UNC80: variants seen among roughly 807,000 people sequenced by gnomAD.
UNC80 encodes unc-80 subunit of NALCN channel complex, also known as protein unc-80 homolog.
A neutral mutation model predicts 384.6 loss-of-function variants in UNC80; 164 were observed. The observed-to-expected ratio is 0.43, with a 90% CI of 0.38 to 0.49. UNC80 has a LOEUF of 0.49. UNC80 is among the 20% of genes least tolerant of loss of function. The probability of loss-of-function intolerance (pLI) is 0.00; values close to 1 mark genes in which losing one functional copy is unlikely to be tolerated. For synonymous variants in UNC80, 1,486 were observed against 1,527.8 expected, an observed-to-expected ratio of 0.97 and a Z score of 0.64; for missense variants, 3,330 against 4,143.0, an observed-to-expected ratio of 0.80 and a Z score of 5.39.
intron 61 of UNC80, among the ~76,000 whole-genome samples, chr2:209,989,977 A>G (rs560510937): frequency 6.6e-6 from 1 of 152,320 alleles, no homozygotes; most frequent in South Asian, 2.1e-4. Flanking sequence ...TTCCAAGGAT[A>G]TATTTTGTAA....
At chr2:209,953,346 C>T (rs186937864) in intron 47 of UNC80, among the ~76,000 whole-genome samples, 1 of 136,662 alleles carries the variant, frequency 7.3e-6, no homozygotes, top group Non-Finnish European at 1.5e-5. Flanking sequence ...TGAACCCAGG[C>T]AGAGGTTGTA....
intron 51 of UNC80, among the ~76,000 whole-genome samples, chr2:209,965,515 G>T (rs540560180): frequency 6.6e-6 from 1 of 150,652 alleles, no homozygotes; most frequent in Non-Finnish European, 1.5e-5. Context: ...ACCCAGGCTA[G>T]AGTGCAGTGG....
At chr2:209,987,518 C>G (rs938107162) in intron 61 of UNC80, among the ~76,000 whole-genome samples, 2 of 152,130 alleles carry the variant, frequency 1.3e-5, no homozygotes, top group Non-Finnish European at 2.9e-5. Context: ...CCGTGAAACA[C>G]GCACACATAT....
At chr2:209,795,000 G>C in intron 7 of UNC80, 1 of 323,456 alleles carries the variant, frequency 3.1e-6, no homozygotes, top group Non-Finnish European at 6.0e-6. Context: ...TGGGTAACAG[G>C]CAGAGATTGG....
At chr2:209,867,040 G>A (rs2083891319) in intron 22 of UNC80, among the ~76,000 whole-genome samples, 2 of 152,180 alleles carry the variant, frequency 1.3e-5, no homozygotes, top group African/African-American at 4.8e-5. Context: ...TATTTGTGTT[G>A]GGAATGTTCC....
intron 60 of UNC80, 62 bp downstream of exon 60, chr2:209,982,379 A>G: frequency 6.8e-7 from 1 of 1,471,144 alleles, no homozygotes; most frequent in Non-Finnish European, 9.1e-7. Flanking sequence ...TTCTGAAAAT[A>G]CACTCCTGTT....
intron 36 of UNC80, 130 bp from the exon 37 acceptor site, chr2:209,929,741 A>G (rs2090707596): frequency 4.9e-6 from 3 of 617,402 alleles, no homozygotes; most frequent in Non-Finnish European, 8.0e-6. Context: ...CTACGTTGCA[A>G]AAGAAAAAAG....
chr2:209,902,938 T>C (rs925002831), intron 28 of UNC80, among the ~76,000 whole-genome samples: 7 of 146,728 alleles, frequency 4.8e-5, no homozygotes, highest in Non-Finnish European at 1.0e-4. Flanking sequence ...TGTGTGTGTG[T>C]GTGTGTACAG....
chr2:209,844,441 TGC>T lies in UNC80; in HGVS notation c.3454+1996_3454+1997del, dbSNP rs200596652. Among the ~76,000 whole-genome samples the T allele has an allele frequency of 5.8e-5, 8 of 137,170 alleles. 1 individual carries two copies. The highest frequency in any genetic ancestry group is 2.2e-4 in the African/African-American group (7 of 31,724). 90.0% of individuals were successfully genotyped at this position (137,170 alleles called of 152,430 possible). On this transcript the variant is annotated intron_variant, in intron 21 of 64. Coordinates refer to ENST00000673920, the MANE Select transcript of UNC80 (RefSeq NM_001371986.1). The stretch of plus-strand genomic sequence containing the variant: ...CTCTTTCTTTCTCTTTCTCTTTTCT[TGC>T]TCTTTTCTTTTCTTTCTTTCTTTCT...
At chr2:209,972,163 G>A (rs1210228817) in intron 54 of UNC80, 38 bp from the exon 55 acceptor site, 16 of 1,544,086 alleles carry the variant, frequency 1.0e-5, no homozygotes, top group Non-Finnish European at 1.4e-5. Flanking sequence ...AATGGGTGTG[G>A]TGGTCAATTA....
intron 14 of UNC80, among the ~76,000 whole-genome samples, chr2:209,828,005 G>A (rs1012658688): frequency 6.6e-6 from 1 of 152,114 alleles, no homozygotes; most frequent in Non-Finnish European, 1.5e-5. Flanking sequence ...AGTATTTAAA[G>A]TTTGATATTC....
chr2:209,921,602 G>A lies in UNC80; in HGVS notation c.5446G>A (p.Ala1816Thr), dbSNP rs754365042. The A allele has an allele frequency of 6.4e-7, 1 of 1,551,694 alleles. No individual in the cohort carries two copies. The highest frequency in any genetic ancestry group is 1.2e-5 in the South Asian group (1 of 84,062). ...AGAAAAGAAACGACTTGGTAGAGAA[G>A]CCAGCCTCATCACTGCCATCCCCAT... ...EEEKKRLGREASLITAIPITQ... is the reference protein window; with the variant it reads ...EEEKKRLGRETSLITAIPITQ... Residue 1816 changes from alanine to threonine, a missense_variant, in exon 34 of 65, where the codon GCC (alanine) becomes ACC (threonine). Coordinates refer to ENST00000673920, the MANE Select transcript of UNC80 (RefSeq NM_001371986.1).
chr2:209,913,311 G>T (rs551068186), intron 30 of UNC80, among the ~76,000 whole-genome samples: 1 of 152,266 alleles, frequency 6.6e-6, no homozygotes, highest in South Asian at 2.1e-4. Flanking sequence ...AATGGATAAA[G>T]GATTTTGTGG....
intron 44 of UNC80, among the ~76,000 whole-genome samples, chr2:209,942,709 AT>A (rs111313881): frequency 0.1 from 15,576 of 149,194 alleles, 1,969 homozygotes; most frequent in African/African-American, 0.3. Context: ...TTTAGTAAGT[AT>A]TTTTTTTTTA....
intron 56 of UNC80, among the ~76,000 whole-genome samples, chr2:209,973,772 T>G (rs2092941770): frequency 6.6e-6 from 1 of 152,206 alleles, no homozygotes; most frequent in Admixed American, 6.5e-5. Flanking sequence ...GTTCTGTATT[T>G]GGGCAGTCTA....
Position 209,978,677 on chromosome 2 carries a change from C to G in UNC80, c.9087C>G (p.Thr3029=). 1 of 1,548,002 alleles carries G rather than the reference C, an allele frequency of 6.5e-7. No homozygotes were observed. The highest frequency in any genetic ancestry group is 8.7e-7 in the Non-Finnish European group (1 of 1,144,158). The change falls in exon 59 of 65, where the codon ACC becomes ACG. Residue 3029 remains threonine, a synonymous_variant. Coordinates refer to ENST00000673920, the MANE Select transcript of UNC80 (RefSeq NM_001371986.1). The part of the protein sequence containing the change: ...SEPSQQASQD[T]LSRTDEEDEE... ...CATCCCAGCAGGCTTCGCAGGACAC[C>G]CTGAGTCGGACTGATGAGGAAGATG...
At chr2:209,788,512 C>T (rs1339189169) in intron 5 of UNC80, among the ~76,000 whole-genome samples, 1 of 146,988 alleles carries the variant, frequency 6.8e-6, no homozygotes, top group Non-Finnish European at 1.5e-5. Flanking sequence ...CTTTTTAATA[C>T]ATACTATACA....
chr2:209,808,075 C>T (rs1011655901), intron 7 of UNC80, among the ~76,000 whole-genome samples: 5 of 152,162 alleles, frequency 3.3e-5, no homozygotes, highest in African/African-American at 1.2e-4. Flanking sequence ...TGTTCTGCAG[C>T]CCATCATCTG....
At chr2:209,942,175 T>C (rs1156519466) in intron 44 of UNC80, among the ~76,000 whole-genome samples, 3 of 152,168 alleles carry the variant, frequency 2.0e-5, no homozygotes, top group Non-Finnish European at 4.4e-5. Flanking sequence ...CTAGGTTCCA[T>C]GCTCCTGAAT....
Sources: gnomAD v4.1 joint callset for allele counts (sites outside exome capture counted in the v4.1 genomes callset) on GRCh38, gnomAD v4.1.1 for gene constraint, MANE v1.5 for transcripts, NCBI Gene and HGNC (gene_info 2026-07-23, HGNC 2026-07-21) for gene names.